PRCC: variants seen among roughly 807,000 people sequenced by gnomAD.
PRCC encodes proline rich mitotic checkpoint control factor.
Under a neutral mutation model 44.0 loss-of-function variants are expected in PRCC, and 10 were observed. That is an observed-to-expected ratio of 0.23 (90% confidence interval 0.14 to 0.39). The LOEUF is 0.39. PRCC is among the 10% of genes least tolerant of loss of function. The pLI is 1.00. For synonymous variants in PRCC, 278 were observed against 259.5 expected, an observed-to-expected ratio of 1.07 and a Z score of -0.69; for missense variants, 573 against 624.7, an observed-to-expected ratio of 0.92 and a Z score of 0.88.
At chr1:156,798,717 G>T (rs905392961) in intron 6 of PRCC, among the ~76,000 whole-genome samples, 1 of 151,856 alleles carries the variant, frequency 6.6e-6, no homozygotes. Context: ...TTAGCCAGGC[G>T]TGGTGCCTGT....
In PRCC at chr1:156,767,649, G is replaced by A; in HGVS notation, c.-123G>A. The A allele has an allele frequency of 2.1e-6, 2 of 953,510 alleles. No individual in the cohort carries two copies. Among genetic ancestry groups the A allele is most frequent in the East Asian group, 2.6e-5 (1 of 37,788 alleles). 59.1% of individuals were successfully genotyped at this position (953,510 alleles called of 1,614,324 possible). A position where few individuals can be genotyped will look rare whatever the true frequency, so the allele number is the denominator to read the frequency against. ...TCTGCCGGGGCTAGCCCTAGAGTAC[G>A]GAGCAGGCGGACTTTTCGGTTCCCC... On this transcript the variant is annotated 5_prime_UTR_variant, in exon 1 of 7. Coordinates refer to ENST00000271526, the MANE Select transcript of PRCC (RefSeq NM_005973.5).
intron 6 of PRCC, among the ~76,000 whole-genome samples, 196 bp from the exon 7 acceptor site, chr1:156,800,178 G>C (rs189826068): frequency 2.0e-5 from 3 of 152,238 alleles, no homozygotes; most frequent in African/African-American, 7.2e-5. Flanking sequence ...CTTGATAACT[G>C]TCCAAAGAAA....
At chr1:156,790,658 C>T (rs1652442649) in intron 3 of PRCC, among the ~76,000 whole-genome samples, 1 of 152,124 alleles carries the variant, frequency 6.6e-6, no homozygotes, top group Non-Finnish European at 1.5e-5. Context: ...GTGTTTTTAC[C>T]TCTTTAGCAG....
chr1:156,793,241 C>T (rs904067611), intron 4 of PRCC, among the ~76,000 whole-genome samples: 1 of 152,182 alleles, frequency 6.6e-6, no homozygotes, highest in Non-Finnish European at 1.5e-5. Context: ...CTTTGGGAAC[C>T]AACTAAGCCT....
At chr1:156,778,264 T>G (rs959470036) in intron 1 of PRCC, among the ~76,000 whole-genome samples, 1 of 152,192 alleles carries the variant, frequency 6.6e-6, no homozygotes, top group African/African-American at 2.4e-5. Flanking sequence ...ATTCTACATG[T>G]AAGTGAGAAC....
chr1:156,780,852 C>T (rs925163465), intron 1 of PRCC, among the ~76,000 whole-genome samples: 3 of 152,014 alleles, frequency 2.0e-5, no homozygotes, highest in Admixed American at 1.3e-4. Context: ...CTCAGCCTCC[C>T]GAGTAGCTGG....
intron 5 of PRCC, among the ~76,000 whole-genome samples, chr1:156,795,285 G>GTTTTTTT (rs35911411): frequency 0.03 from 1,075 of 36,060 alleles, 209 homozygotes; most frequent in Middle Eastern, 0.05. Context: ...ATTTTCTGGT[G>GTTTTTTT]TTTTTTTTTT....
chr1:156,779,026 C>T (rs1264549041), intron 1 of PRCC, among the ~76,000 whole-genome samples: 1 of 145,564 alleles, frequency 6.9e-6, no homozygotes, highest in African/African-American at 2.5e-5. Context: ...TCTCAAACTC[C>T]TGACCTCAGG....
intron 3 of PRCC, among the ~76,000 whole-genome samples, chr1:156,789,912 G>A (rs1313816499): frequency 6.6e-6 from 1 of 152,216 alleles, no homozygotes; most frequent in Non-Finnish European, 1.5e-5. Context: ...GCCCCAGAGA[G>A]TAAAAGTATA....
intron 1 of PRCC, among the ~76,000 whole-genome samples, chr1:156,775,395 G>T (rs1651789037): frequency 6.6e-6 from 1 of 151,118 alleles, no homozygotes; most frequent in Non-Finnish European, 1.5e-5. Flanking sequence ...CTGTTGCCCA[G>T]CCTGGAGTGT....
chr1:156,779,124 ATATATTTTTTTTTTT>A (rs1253728233), intron 1 of PRCC, among the ~76,000 whole-genome samples: 285 of 25,062 alleles, frequency 0.011, no homozygotes, highest in Non-Finnish European at 0.017. Flanking sequence ...ATATATATAT[ATATATTTTTTTTTTT>A]TTTTTTTTTT....
intron 3 of PRCC, chr1:156,791,033 C>G: frequency 1.6e-6 from 2 of 1,256,580 alleles, no homozygotes; most frequent in South Asian, 2.4e-5. Context: ...CAAGCAGAGG[C>G]CTTGCCCTTG....
At chr1:156,769,323 C>A (rs1184955735) in intron 1 of PRCC, among the ~76,000 whole-genome samples, 2 of 152,160 alleles carry the variant, frequency 1.3e-5, no homozygotes, top group African/African-American at 2.4e-5. Flanking sequence ...AACCTCCTAT[C>A]ACCTCCTCCT....
At chr1:156,777,293 T>C (rs1651862026) in intron 1 of PRCC, among the ~76,000 whole-genome samples, 1 of 152,192 alleles carries the variant, frequency 6.6e-6, no homozygotes, top group Admixed American at 6.5e-5. Context: ...TGGAACTGGT[T>C]CTGATCCTGG....
At chr1:156,783,043 T>A (rs1411769713) in intron 2 of PRCC, among the ~76,000 whole-genome samples, 1 of 152,194 alleles carries the variant, frequency 6.6e-6, no homozygotes, top group Non-Finnish European at 1.5e-5. Context: ...TAGCTGGGTT[T>A]ACAGGCATGC....
chr1:156,792,438 G>GT (rs886541292), intron 4 of PRCC, among the ~76,000 whole-genome samples: 39 of 151,664 alleles, frequency 2.6e-4, no homozygotes, highest in African/African-American at 6.5e-4. Flanking sequence ...AGTTGTTTGT[G>GT]TTTTTTTTGT....
Position 156,767,954 on chromosome 1 carries a change from C to T in PRCC, c.183C>T (p.Ala61=). ...LPPPPQMLAP[A]FPPPLLLPPP... is the part of the protein sequence containing the mutation. Reference sequence around the variant, plus strand: ...CGCCCCCTCAGATGCTGGCGCCAGCCTTTCCCCCGCCGCTGTTGCTTCCCC... The same window carrying T: ...CGCCCCCTCAGATGCTGGCGCCAGCTTTTCCCCCGCCGCTGTTGCTTCCCC... The change falls in exon 1 of 7, where the codon GCC becomes GCT. Residue 61 remains alanine (A), a synonymous_variant. Coordinates refer to ENST00000271526, the MANE Select transcript of PRCC (RefSeq NM_005973.5). The T allele has an allele frequency of 3.2e-6, 5 of 1,578,646 alleles. No individual in the cohort carries two copies. The highest frequency in any genetic ancestry group is 4.3e-6 in the Non-Finnish European group (5 of 1,161,952).
At chr1:156,783,195 G>A (rs962409611) in intron 2 of PRCC, among the ~76,000 whole-genome samples, 4 of 152,048 alleles carry the variant, frequency 2.6e-5, no homozygotes, top group South Asian at 2.1e-4. Context: ...GTGAGCCACC[G>A]CGCCTGGCCA....
intron 1 of PRCC, among the ~76,000 whole-genome samples, chr1:156,778,292 T>C (rs1348773852): frequency 7.2e-5 from 11 of 152,208 alleles, no homozygotes. Flanking sequence ...ATTTGTCTAC[T>C]TTGTCTGCTT....
Sources: gnomAD v4.1 joint callset for allele counts (sites outside exome capture counted in the v4.1 genomes callset) on GRCh38, gnomAD v4.1.1 for gene constraint, MANE v1.5 for transcripts, NCBI Gene and HGNC (gene_info 2026-07-23, HGNC 2026-07-21) for gene names.